The following PRKACB variants were observed in gnomAD, a reference collection of about 807,000 sequenced individuals.
PRKACB encodes cAMP-dependent protein kinase catalytic subunit beta.
A neutral mutation model predicts 51.4 loss-of-function variants in PRKACB; 16 were observed. The observed-to-expected ratio is 0.31, with a 90% confidence interval of 0.21 to 0.47. PRKACB has a LOEUF of 0.47. Ranked by LOEUF, PRKACB falls within the 20% of genes least tolerant of loss-of-function variation. The pLI is 1.00. For synonymous variants in PRKACB, 147 were observed against 154.4 expected (o/e 0.95, Z 0.35); for missense variants, 309 against 464.5 (o/e 0.67, Z 3.08).
At chr1:84,171,834 T>A (rs993476801) in intron 1 of PRKACB, among the ~76,000 whole-genome samples, 13 of 151,642 alleles carry the variant, frequency 8.6e-5, no homozygotes, top group Middle Eastern at 6.8e-3. Context: ...TTGCCAGATA[T>A]TAAAAAAATC....
chr1:84,162,947 A>G (rs552658985), intron 1 of PRKACB, among the ~76,000 whole-genome samples: 3 of 151,716 alleles, frequency 2.0e-5, no homozygotes, highest in African/African-American at 7.3e-5. Flanking sequence ...TTATTTTTTT[A>G]TTAAAAACTT....
At chr1:84,191,686 G>A (rs530844021) in intron 5 of PRKACB, among the ~76,000 whole-genome samples, 16 of 152,164 alleles carry the variant, frequency 1.1e-4, no homozygotes, top group African/African-American at 3.9e-4. Context: ...AGAGAGGAGA[G>A]GGAGGGAGGA....
At chr1:84,198,727 A>G (rs1289925745) in intron 7 of PRKACB, among the ~76,000 whole-genome samples, 53 of 151,594 alleles carry the variant, frequency 3.5e-4, no homozygotes, top group Non-Finnish European at 1.5e-5. Flanking sequence ...ATTATACAAA[A>G]TTTAGAAAAT....
intron 1 of PRKACB, among the ~76,000 whole-genome samples, chr1:84,163,513 C>T (rs1009647328): frequency 6.6e-6 from 1 of 151,896 alleles, no homozygotes; most frequent in African/African-American, 2.4e-5. Context: ...TCATGTCAGC[C>T]CCTTCCAGAA....
chr1:84,078,661 T>G (rs1022520591), intron 1 of PRKACB, among the ~76,000 whole-genome samples: 1 of 152,160 alleles, frequency 6.6e-6, no homozygotes, highest in African/African-American at 2.4e-5. Context: ...TCTGGAACAC[T>G]TCCCCAAATA....
chr1:84,093,001 G>GT (rs907503272), intron 1 of PRKACB, among the ~76,000 whole-genome samples: 2 of 151,280 alleles, frequency 1.3e-5, no homozygotes, highest in African/African-American at 2.4e-5. Flanking sequence ...CCCCCCAGAC[G>GT]TATGTACTAC....
rs573653580 is a variant in PRKACB, at chr1:84,161,260, T to C, written c.187+16712T>C. Among the ~76,000 whole-genome samples, 17 of 152,030 alleles carry C rather than the reference T, an allele frequency of 1.1e-4. No homozygotes were observed. In the South Asian group the frequency reaches 3.5e-3, roughly 32 times the overall value. On this transcript the variant is annotated intron_variant, in intron 1 of 9. Coordinates refer to ENST00000370685, the MANE Select transcript of PRKACB (RefSeq NM_182948.4). ...TTTTCTAGACTTAAAGTCTATTTTGTCTAATATTGATATAGGCATTCCAGC... is the reference window on the plus strand; with the variant it reads ...TTTTCTAGACTTAAAGTCTATTTTGCCTAATATTGATATAGGCATTCCAGC...
chr1:84,139,706 T>C (rs889674909), upstream of PRKACB, among the ~76,000 whole-genome samples: 38 of 152,184 alleles, frequency 2.5e-4, no homozygotes, highest in African/African-American at 9.2e-4. Flanking sequence ...ATAGATAAAC[T>C]GATCTTAAAA....
chr1:84,215,921 A>C (rs962268477), intron 9 of PRKACB, among the ~76,000 whole-genome samples: 3 of 151,642 alleles, frequency 2.0e-5, no homozygotes, highest in Non-Finnish European at 4.4e-5. Flanking sequence ...TTTTAGAGAC[A>C]TGTCATCTTT....
intron 9 of PRKACB, among the ~76,000 whole-genome samples, chr1:84,227,325 CA>C: frequency 6.6e-6 from 1 of 152,154 alleles, no homozygotes; most frequent in South Asian, 2.1e-4. Context: ...CCAATAAAAT[CA>C]TCCATTTCCC....
chr1:84,127,651 T>A (rs1651743143), intron 1 of PRKACB, among the ~76,000 whole-genome samples: 1 of 152,166 alleles, frequency 6.6e-6, no homozygotes, highest in African/African-American at 2.4e-5. Flanking sequence ...TTTTTCTTTT[T>A]CTTATATTTG....
chr1:84,085,947 C>A, intron 1 of PRKACB: 2 of 693,122 alleles, frequency 2.9e-6, no homozygotes, highest in South Asian at 1.7e-5. Flanking sequence ...ATGGACCTGA[C>A]TTTCAAGACC....
At chr1:84,113,258 G>T (rs941856125) in intron 1 of PRKACB, among the ~76,000 whole-genome samples, 1 of 152,116 alleles carries the variant, frequency 6.6e-6, no homozygotes, top group Admixed American at 6.6e-5. Context: ...CAATTTGGTT[G>T]TATCAGTTAA....
chr1:84,101,753 C>T (rs533781489), intron 1 of PRKACB, among the ~76,000 whole-genome samples: 156 of 152,256 alleles, frequency 1.0e-3, no homozygotes, highest in African/African-American at 3.5e-3. Flanking sequence ...TTTAGCACTA[C>T]ATGGTGAGGA....
chr1:84,134,094 TCTC>T (rs1161937808), intron 1 of PRKACB, among the ~76,000 whole-genome samples: 2 of 152,108 alleles, frequency 1.3e-5, no homozygotes, highest in East Asian at 1.9e-4. Flanking sequence ...GCTAGACTCT[TCTC>T]CAAAGTCCCA....
At chr1:84,178,151 A>G (rs1335166497) in intron 1 of PRKACB, among the ~76,000 whole-genome samples, 3 of 152,062 alleles carry the variant, frequency 2.0e-5, no homozygotes, top group African/African-American at 4.8e-5. Context: ...TGACATTTAT[A>G]AAGGAGGAAA....
At chr1:84,093,291 C>CT (rs1018927073) in intron 1 of PRKACB, among the ~76,000 whole-genome samples, 1 of 151,516 alleles carries the variant, frequency 6.6e-6, no homozygotes, top group Non-Finnish European at 1.5e-5. Context: ...CTCTCTCTCT[C>CT]TGTGTATGCG....
At chr1:84,234,282 C>T (rs1359641626) in intron 9 of PRKACB, among the ~76,000 whole-genome samples, 1 of 152,150 alleles carries the variant, frequency 6.6e-6, no homozygotes, top group African/African-American at 2.4e-5. Context: ...CTCAGATCTC[C>T]AGCTGTGTGC....
chr1:84,136,055 G>A (rs988285303), intron 1 of PRKACB, among the ~76,000 whole-genome samples: 1 of 151,912 alleles, frequency 6.6e-6, no homozygotes, highest in Non-Finnish European at 1.5e-5. Flanking sequence ...AGAAATGAAA[G>A]ATGGATCTTC....
Sources: allele counts gnomAD v4.1 joint callset (sites outside exome capture counted in the v4.1 genomes callset), GRCh38; gene constraint gnomAD v4.1.1; transcripts MANE v1.5; gene names NCBI Gene and HGNC (gene_info 2026-07-23, HGNC 2026-07-21).